Variants in RHOJ observed in about 807,000 individuals in gnomAD.
RHOJ encodes rho-related GTP-binding protein RhoJ.
A neutral mutation model predicts 23.4 loss-of-function variants in RHOJ; 11 were observed. The ratio of observed to expected loss-of-function variants is 0.47; its 90% confidence interval spans 0.30 to 0.78. The LOEUF (loss-of-function observed/expected upper bound fraction) is 0.78. Ranked by LOEUF, RHOJ falls within the 30% of genes least tolerant of loss-of-function variation. RHOJ has a pLI of 0.08. For missense variants in RHOJ, 254 were observed against 273.4 expected (o/e 0.93, Z 0.50); for synonymous variants, 102 against 102.7 (o/e 0.99, Z 0.04).
At chr14:63,269,769 C>A (rs1265479227) in intron 2 of RHOJ, among the ~76,000 whole-genome samples, 1 of 152,202 alleles carries the variant, frequency 6.6e-6, no homozygotes, top group Non-Finnish European at 1.5e-5. Flanking sequence ...ACTGTTTCTT[C>A]AAGTTGGAGA....
At chr14:63,213,846 G>A (rs1188833972) in intron 1 of RHOJ, among the ~76,000 whole-genome samples, 2 of 152,154 alleles carry the variant, frequency 1.3e-5, no homozygotes, top group Middle Eastern at 3.2e-3. Flanking sequence ...CTATGGAGGA[G>A]TAAGGGTAGG....
At chr14:63,231,593 A>C (rs750392700) in intron 1 of RHOJ, among the ~76,000 whole-genome samples, 1 of 152,134 alleles carries the variant, frequency 6.6e-6, no homozygotes, top group Non-Finnish European at 1.5e-5. Context: ...CAAATTAAAC[A>C]CTCAGCTCGG....
In RHOJ at chr14:63,205,085, C is replaced by T. The variant is rs764790974; in HGVS notation, c.178+38C>T. The T allele has an allele frequency of 4.4e-6, 7 of 1,591,312 alleles. No individual in the cohort carries two copies. In the East Asian group the frequency reaches 1.6e-4, roughly 36 times the overall value. On this transcript the variant is annotated intron_variant, in intron 1 of 4. Transcript: ENST00000316754. The stretch of plus-strand genomic sequence containing the variant: ...GGGAAACTCTCTGCATCCAGACAAA[C>T]GATGCAGGGGGCGAGACCCTAAGTT...
At chr14:63,280,274 C>G (rs543464745) in intron 2 of RHOJ, among the ~76,000 whole-genome samples, 55 of 152,270 alleles carry the variant, frequency 3.6e-4, no homozygotes, top group African/African-American at 1.0e-3. Context: ...ATCCTCCCGC[C>G]TTGGCTTCCA....
At chr14:63,205,436 T>G (rs1356450528) in intron 1 of RHOJ, among the ~76,000 whole-genome samples, 1 of 152,174 alleles carries the variant, frequency 6.6e-6, no homozygotes, top group Non-Finnish European at 1.5e-5. Context: ...GACACACAAA[T>G]GGTGAAAGGA....
chr14:63,232,302 A>T (rs1894709852), intron 1 of RHOJ, among the ~76,000 whole-genome samples: 1 of 152,246 alleles, frequency 6.6e-6, no homozygotes, highest in Non-Finnish European at 1.5e-5. Flanking sequence ...TAAATTTAGA[A>T]TAAGAAAGCT....
chr14:63,247,524 A>T (rs1269485484), intron 1 of RHOJ, among the ~76,000 whole-genome samples: 1 of 152,210 alleles, frequency 6.6e-6, no homozygotes, highest in African/African-American at 2.4e-5. Flanking sequence ...GGACATTTTC[A>T]TTGTAAATTC....
intron 2 of RHOJ, among the ~76,000 whole-genome samples, chr14:63,278,746 G>A (rs1167608733): frequency 6.6e-6 from 1 of 152,042 alleles, no homozygotes; most frequent in Non-Finnish European, 1.5e-5. Context: ...ACTTTGGCGG[G>A]GGCTGAGGCA....
chr14:63,241,058 G>T (rs1201690510), intron 1 of RHOJ, among the ~76,000 whole-genome samples: 2 of 152,182 alleles, frequency 1.3e-5, no homozygotes, highest in Non-Finnish European at 2.9e-5. Flanking sequence ...ATAAATACCA[G>T]ATAACAAAGA....
At chr14:63,278,778 A>G (rs539787102) in intron 2 of RHOJ, among the ~76,000 whole-genome samples, 2 of 152,144 alleles carry the variant, frequency 1.3e-5, no homozygotes, top group Non-Finnish European at 2.9e-5. Flanking sequence ...TGAGCCCAGG[A>G]GTTCAAGACC....
At chr14:63,210,214 C>T (rs1894204856) in intron 1 of RHOJ, among the ~76,000 whole-genome samples, 1 of 152,126 alleles carries the variant, frequency 6.6e-6, no homozygotes, top group African/African-American at 2.4e-5. Context: ...CCCACCTCAG[C>T]CTCCCAAAGT....
chr14:63,209,985 G>T (rs1894199031), intron 1 of RHOJ, among the ~76,000 whole-genome samples: 1 of 137,890 alleles, frequency 7.3e-6, no homozygotes. Flanking sequence ...TCTTGAGACA[G>T]AGTCTCACTC....
chr14:63,288,269 C>G lies in RHOJ; in HGVS notation c.499-2609C>G, dbSNP rs565173198. The G allele has an allele frequency of 1.6e-5, 16 of 985,454 alleles. No individual in the cohort carries two copies. The East Asian group carries it at 1.8e-3, about 112-fold the overall frequency. 61.0% of individuals were successfully genotyped at this position (985,454 alleles called of 1,614,324 possible). A position where few individuals can be genotyped will look rare whatever the true frequency, so the allele number is the denominator to read the frequency against. ...AGCCTGACATGCTGTCAGCTGCACA[C>G]TGGGGGCAGGAGGATGGGGAGTGCC... On this transcript the variant is annotated intron_variant, in intron 4 of 4. Coordinates refer to ENST00000316754, the MANE Select transcript of RHOJ (RefSeq NM_020663.5).
chr14:63,239,624 A>G (rs1894849710), intron 1 of RHOJ, among the ~76,000 whole-genome samples: 1 of 152,204 alleles, frequency 6.6e-6, no homozygotes, highest in Non-Finnish European at 1.5e-5. Context: ...GACTAGAACC[A>G]CTAACTTAGT....
At chr14:63,277,881 G>A (rs1881780185) in intron 2 of RHOJ, among the ~76,000 whole-genome samples, 1 of 151,854 alleles carries the variant, frequency 6.6e-6, no homozygotes, top group African/African-American at 2.4e-5. Context: ...GAGGAGGTTT[G>A]TTTTTCAGAG....
At chr14:63,239,629 C>T (rs1260630874) in intron 1 of RHOJ, among the ~76,000 whole-genome samples, 1 of 152,212 alleles carries the variant, frequency 6.6e-6, no homozygotes, top group East Asian at 1.9e-4. Flanking sequence ...GAACCACTAA[C>T]TTAGTTATCA....
chr14:63,269,249 CAT>C lies in RHOJ; in HGVS notation c.237+83_237+84del, dbSNP rs1454815649. 9 of 979,418 alleles carry C rather than the reference CAT, an allele frequency of 9.2e-6. No individual in the cohort carries two copies. In the Admixed American group the frequency reaches 1.0e-4, roughly 11 times the overall value. The allele number at this position is 979,418 out of a possible 1,614,324, so 60.7% of individuals were successfully genotyped here. A position where few individuals can be genotyped will look rare whatever the true frequency, so the allele number is the denominator to read the frequency against. ...TCCATTTGCTTATGCAGATGGGACT[CAT>C]AGCACAGATATTACCCATTCTGATC... is the stretch of plus-strand genomic sequence containing the variant. On this transcript the variant is annotated intron_variant, in intron 2 of 4. Transcript: ENST00000316754.
chr14:63,217,330 A>G (rs564501459), intron 1 of RHOJ, among the ~76,000 whole-genome samples: 2 of 149,130 alleles, frequency 1.3e-5, no homozygotes, highest in East Asian at 3.9e-4. Flanking sequence ...GAGTGAGAAT[A>G]TGTGGTGTTT....
intron 1 of RHOJ, among the ~76,000 whole-genome samples, chr14:63,237,689 CA>C (rs1894813823): frequency 6.6e-6 from 1 of 152,166 alleles, no homozygotes; most frequent in Admixed American, 6.5e-5. Flanking sequence ...ATGGCAGAAA[CA>C]ACAGAAATAG....
Sources: gnomAD v4.1 joint callset for allele counts (sites outside exome capture counted in the v4.1 genomes callset) on GRCh38, gnomAD v4.1.1 for gene constraint, MANE v1.5 for transcripts, NCBI Gene and HGNC (gene_info 2026-07-23, HGNC 2026-07-21) for gene names.